The following ERC2 variants were observed in gnomAD, a reference collection of about 807,000 sequenced individuals.
The protein encoded by ERC2 is ERC protein 2.
In ERC2, 42 loss-of-function variants were observed where a neutral mutation model predicts 114.8. That is an observed-to-expected ratio of 0.37 (90% CI 0.29 to 0.47). The LOEUF (loss-of-function observed/expected upper bound fraction) is 0.47, where lower values mean the gene tolerates loss of function less well. Ranked by LOEUF, ERC2 falls within the 20% of genes least tolerant of loss-of-function variation. The probability of loss-of-function intolerance (pLI) is 0.99; values close to 1 mark genes in which losing one functional copy is unlikely to be tolerated. For synonymous variants in ERC2, 454 were observed against 425.5 expected, an observed-to-expected ratio of 1.07 and a Z score of -0.82; for missense variants, 939 against 1,150.7, an observed-to-expected ratio of 0.82 and a Z score of 2.66.
At chr3:55,703,543 G>A (rs553422593) in intron 15 of ERC2, among the ~76,000 whole-genome samples, 4 of 152,310 alleles carry the variant, frequency 2.6e-5, no homozygotes, top group African/African-American at 9.6e-5. Flanking sequence ...GTAACTAACT[G>A]CAGGTTCACT....
chr3:56,221,283 C>T (rs1333685021), intron 3 of ERC2, among the ~76,000 whole-genome samples: 5 of 152,066 alleles, frequency 3.3e-5, no homozygotes, highest in Non-Finnish European at 5.9e-5. Flanking sequence ...AATGCAGAAG[C>T]CACCCACTTC....
At chr3:55,995,950 C>T (rs917907174) in intron 10 of ERC2, among the ~76,000 whole-genome samples, 10 of 152,156 alleles carry the variant, frequency 6.6e-5, no homozygotes, top group African/African-American at 2.4e-4. Context: ...GCAATATTCT[C>T]GCCTTTTCAA....
intron 3 of ERC2, among the ~76,000 whole-genome samples, chr3:56,283,406 G>T (rs1049871781): frequency 6.6e-6 from 1 of 152,088 alleles, no homozygotes; most frequent in Middle Eastern, 3.2e-3. Context: ...CAAGGCAGGA[G>T]GATCACTTAA....
intron 17 of ERC2, among the ~76,000 whole-genome samples, chr3:55,678,203 A>G (rs2061902021): frequency 6.6e-6 from 1 of 152,208 alleles, no homozygotes; most frequent in East Asian, 1.9e-4. Flanking sequence ...AGACATTGTC[A>G]TGGTGGTTCT....
At chr3:55,640,295 T>C (rs2060123931) in intron 17 of ERC2, among the ~76,000 whole-genome samples, 2 of 152,242 alleles carry the variant, frequency 1.3e-5, no homozygotes, top group South Asian at 4.1e-4. Context: ...AATGGCCTTG[T>C]AGCCTGATTC....
At chr3:56,223,381 A>G (rs2050042104) in intron 3 of ERC2, among the ~76,000 whole-genome samples, 1 of 152,134 alleles carries the variant, frequency 6.6e-6, no homozygotes, top group Non-Finnish European at 1.5e-5. Context: ...TTAGATGGAA[A>G]AATATTTTCC....
rs142982452 is a variant in ERC2, at chr3:55,518,515, G to T, written c.*40-7239C>A. On this transcript the variant is annotated intron_variant, in intron 17 of 17. Transcript: ENST00000288221. The stretch of plus-strand genomic sequence containing the variant: ...CACTTGCTGAGTTAAGTGAAAAGGT[G>T]AAATCTAGTTTAAATTTATAGCATT... Among the ~76,000 whole-genome samples, 453 of 152,344 alleles carry T rather than the reference G, an allele frequency of 3.0e-3. 1 individual carries two copies. The highest frequency in any genetic ancestry group is 0.01 in the African/African-American group (430 of 41,582).
rs541276495 is a variant in ERC2, at chr3:56,134,934, TTG to T, written c.1473+4573_1473+4574del. On this transcript the variant is annotated intron_variant, in intron 6 of 17. Transcript: ENST00000288221. ...TCTTTTTTTTTGTTTTTTTTTGTTT[TTG>T]TTTTTGTTTTTGTTTTTGTTTTTGT... Among the ~76,000 whole-genome samples the T allele has an allele frequency of 4.1e-4, 60 of 147,678 alleles. No homozygotes were observed. The East Asian group carries it at 7.7e-3, about 19-fold the overall frequency.
At chr3:55,688,532 C>T (rs1475003734) in intron 16 of ERC2, among the ~76,000 whole-genome samples, 1 of 152,184 alleles carries the variant, frequency 6.6e-6, no homozygotes, top group Non-Finnish European at 1.5e-5. Flanking sequence ...TTTGTTGGTT[C>T]TGCTTAGCTC....
At chr3:55,899,951 T>C (rs62253669) in intron 13 of ERC2, among the ~76,000 whole-genome samples, 18,865 of 152,212 alleles carry the variant, frequency 0.12, 1,584 homozygotes, top group African/African-American at 0.24. Flanking sequence ...CAGGTAAACA[T>C]AGCCTCTAAA....
At chr3:56,412,504 G>A (rs2060979593) in intron 2 of ERC2, among the ~76,000 whole-genome samples, 1 of 152,206 alleles carries the variant, frequency 6.6e-6, no homozygotes, top group Non-Finnish European at 1.5e-5. Context: ...GCACACAAGG[G>A]GTTTGTGGCA....
intron 12 of ERC2, among the ~76,000 whole-genome samples, chr3:55,977,002 G>C (rs915800366): frequency 2.0e-5 from 3 of 152,214 alleles, no homozygotes; most frequent in Admixed American, 2.0e-4. Context: ...TTCTCACACA[G>C]AGAGAAGGCT....
At chr3:56,460,964 C>CAAAAAAA (rs35313545) in intron 1 of ERC2, among the ~76,000 whole-genome samples, 32 of 98,172 alleles carry the variant, frequency 3.3e-4, no homozygotes, top group African/African-American at 3.7e-4. Flanking sequence ...ACTAAAAATA[C>CAAAAAAA]AAAAAAAAAA....
chr3:56,160,743 C>T (rs1176281485), intron 4 of ERC2, among the ~76,000 whole-genome samples: 1 of 152,110 alleles, frequency 6.6e-6, no homozygotes, highest in Non-Finnish European at 1.5e-5. Flanking sequence ...GAAGTTGTTT[C>T]CCCATTATTT....
chr3:55,907,839 G>A (rs1288449128), intron 13 of ERC2, among the ~76,000 whole-genome samples: 2 of 152,212 alleles, frequency 1.3e-5, no homozygotes, highest in African/African-American at 2.4e-5. Flanking sequence ...TCAGCCCTGT[G>A]CCTAGCCCTT....
chr3:56,047,808 GC>G (rs1239003574), intron 7 of ERC2, among the ~76,000 whole-genome samples: 2 of 152,128 alleles, frequency 1.3e-5, no homozygotes, highest in Non-Finnish European at 2.9e-5. Context: ...GTAATTGCTG[GC>G]AAGAGGGGCC....
intron 7 of ERC2, among the ~76,000 whole-genome samples, chr3:56,072,795 T>G (rs2076800789): frequency 2.0e-5 from 3 of 152,214 alleles, no homozygotes; most frequent in African/African-American, 7.2e-5. Context: ...CAAAGAAATT[T>G]AAACTGAGTG....
chr3:56,173,351 A>T, intron 4 of ERC2, 95 bp downstream of exon 4: 3 of 1,243,154 alleles, frequency 2.4e-6, no homozygotes, highest in Middle Eastern at 3.8e-4. Context: ...CCTAGAGAAA[A>T]ACACAAGGTT....
At chr3:56,121,720 G>A (rs919241840) in intron 6 of ERC2, among the ~76,000 whole-genome samples, 14 of 152,094 alleles carry the variant, frequency 9.2e-5, no homozygotes, top group African/African-American at 3.4e-4. Flanking sequence ...TTAAACCTAT[G>A]CCTTTAGAAG....
Sources: allele counts gnomAD v4.1 joint callset (sites outside exome capture counted in the v4.1 genomes callset), GRCh38; gene constraint gnomAD v4.1.1; transcripts MANE v1.5; gene names NCBI Gene and HGNC (gene_info 2026-07-23, HGNC 2026-07-21).